The following ADCK1 variants were observed in gnomAD, a reference collection of about 807,000 sequenced individuals.
ADCK1 encodes aarF domain-containing protein kinase 1.
Under a neutral mutation model 52.3 loss-of-function variants are expected in ADCK1, and 41 were observed. The observed-to-expected ratio is 0.78, with a 90% CI of 0.61 to 1.02. ADCK1 has a LOEUF of 1.02. Among genes scored for constraint, ADCK1 ranks in the 50% least tolerant of loss-of-function variants. The pLI is 0.00. For missense variants in ADCK1, 658 were observed against 679.5 expected (o/e 0.97, Z 0.35); for synonymous variants, 250 against 274.6 (o/e 0.91, Z 0.89).
chr14:77,896,396 T>C (rs961264165), intron 5 of ADCK1, among the ~76,000 whole-genome samples: 4 of 152,248 alleles, frequency 2.6e-5, no homozygotes, highest in East Asian at 1.9e-4. Context: ...TAAATATTGA[T>C]TGGACAAATG....
At chr14:77,909,934 A>G (rs2083755389) in intron 7 of ADCK1, among the ~76,000 whole-genome samples, 1 of 152,182 alleles carries the variant, frequency 6.6e-6, no homozygotes, top group Admixed American at 6.5e-5. Flanking sequence ...ACAGCTTAGC[A>G]GAGGTGGGAT....
chr14:77,929,846 T>C (rs1374481177), intron 9 of ADCK1, among the ~76,000 whole-genome samples: 1 of 152,152 alleles, frequency 6.6e-6, no homozygotes, highest in Non-Finnish European at 1.5e-5. Context: ...TTTGTATTTT[T>C]AGTAGAGATG....
intron 4 of ADCK1, among the ~76,000 whole-genome samples, chr14:77,881,896 G>T (rs1260490888): frequency 6.6e-6 from 1 of 152,210 alleles, no homozygotes; most frequent in East Asian, 1.9e-4. Flanking sequence ...TTCTGAAGAG[G>T]TGGGTTACAA....
At chr14:77,817,668 G>C (rs1447535798) in intron 1 of ADCK1, among the ~76,000 whole-genome samples, 1 of 152,138 alleles carries the variant, frequency 6.6e-6, no homozygotes, top group Non-Finnish European at 1.5e-5. Context: ...ACAGGACTGT[G>C]AGTGGGCAGA....
At chr14:77,824,141 C>T (rs529936775) in intron 3 of ADCK1, among the ~76,000 whole-genome samples, 13 of 151,272 alleles carry the variant, frequency 8.6e-5, no homozygotes, top group South Asian at 8.4e-4. Flanking sequence ...TCAAGTGATC[C>T]GCCGCCTCAG....
At chr14:77,825,237 C>T (rs1487514462) in intron 3 of ADCK1, among the ~76,000 whole-genome samples, 3 of 152,142 alleles carry the variant, frequency 2.0e-5, no homozygotes, top group Admixed American at 6.6e-5. Context: ...AGCGATGATG[C>T]GTAGGCCTGT....
intron 10 of ADCK1, among the ~76,000 whole-genome samples, chr14:77,932,377 T>C (rs2084362431): frequency 6.6e-6 from 1 of 152,126 alleles, no homozygotes; most frequent in African/African-American, 2.4e-5. Context: ...CTCAGCACCT[T>C]TGGGCATTAA....
At chr14:77,848,798 CTG>C (rs2082223350) in intron 3 of ADCK1, among the ~76,000 whole-genome samples, 1 of 150,924 alleles carries the variant, frequency 6.6e-6, no homozygotes, top group Admixed American at 6.6e-5. Context: ...GTGTCTTACT[CTG>C]TTGCCCAGGC....
rs139353105 is a variant in ADCK1, at chr14:77,859,097, C to T, written c.241C>T (p.Arg81Cys). The change falls in exon 4 of 11, where the codon CGT becomes TGT. Residue 81 changes from arginine (R) to cysteine (C), a missense_variant. Arg to Cys is a radical substitution (Grantham distance 180). Transcript: ENST00000238561. ...GCAGGTGCACCTTCGCTCTGCCAGG[C>T]GTCTCTGTGAGCTCTGCTGTGCCAA... is the stretch of plus-strand genomic sequence containing the variant. The part of the protein sequence containing the change: ...RSKVHLRSAR[R>C]LCELCCANRG... The T allele has an allele frequency of 5.5e-5, 89 of 1,607,558 alleles. No homozygotes were observed. The highest frequency in any genetic ancestry group is 3.2e-4 in the South Asian group (29 of 90,404).
rs1274322276 is a variant in ADCK1, at chr14:77,833,500, C to G, written c.219+10982C>G. On this transcript the variant is annotated intron_variant, in intron 3 of 10. Coordinates refer to ENST00000238561, the MANE Select transcript of ADCK1 (RefSeq NM_020421.4). Reference sequence around the variant, plus strand: ...GAGCATGAGCTGCATTTAATTCTCTCTGGTTGGGTCATCTAAGGACCAGTT... The same window carrying G: ...GAGCATGAGCTGCATTTAATTCTCTGTGGTTGGGTCATCTAAGGACCAGTT... Among the ~76,000 whole-genome samples, 7 of 152,268 alleles carry G rather than the reference C, an allele frequency of 4.6e-5. No homozygotes were observed. In the South Asian group the frequency reaches 1.0e-3, roughly 23 times the overall value.
chr14:77,921,344 A>AAAAAAAAAAAAAAAAAAAAG (rs2084053244), intron 7 of ADCK1, among the ~76,000 whole-genome samples: 1 of 149,258 alleles, frequency 6.7e-6, no homozygotes, highest in Non-Finnish European at 1.5e-5. Flanking sequence ...AAAAAAAAAA[A>AAAAAAAAAAAAAAAAAAAAG]AAAAGAAAAA....
At chr14:77,861,143 C>T (rs985944969) in intron 4 of ADCK1, among the ~76,000 whole-genome samples, 1 of 152,176 alleles carries the variant, frequency 6.6e-6, no homozygotes, top group African/African-American at 2.4e-5. Context: ...CCATGTGGCT[C>T]CTGCCCCCAC....
intron 3 of ADCK1, among the ~76,000 whole-genome samples, chr14:77,855,132 C>T (rs879845219): frequency 7.2e-5 from 11 of 152,248 alleles, no homozygotes; most frequent in African/African-American, 2.2e-4. Flanking sequence ...TCTTTCCCCA[C>T]GTGGCCTGGC....
At chr14:77,841,885 C>A (rs1244541440) in intron 3 of ADCK1, among the ~76,000 whole-genome samples, 1 of 148,866 alleles carries the variant, frequency 6.7e-6, no homozygotes. Context: ...CCAGGCCAGG[C>A]ATGGTGGCTC....
At chr14:77,848,360 C>G (rs951936877) in intron 3 of ADCK1, among the ~76,000 whole-genome samples, 9 of 152,128 alleles carry the variant, frequency 5.9e-5, no homozygotes, top group Non-Finnish European at 1.0e-4. Context: ...TTTTTGGAGC[C>G]CAAGTTCTTG....
At chr14:77,823,067 T>C (rs1566638033) in intron 3 of ADCK1, among the ~76,000 whole-genome samples, 1 of 152,190 alleles carries the variant, frequency 6.6e-6, no homozygotes, top group Non-Finnish European at 1.5e-5. Flanking sequence ...GGGCCTCTCG[T>C]AGGCCTCTGA....
At chr14:77,899,946 T>A (rs1038340802) in intron 6 of ADCK1, among the ~76,000 whole-genome samples, 9 of 151,938 alleles carry the variant, frequency 5.9e-5, no homozygotes, top group African/African-American at 1.7e-4. Flanking sequence ...GGCATGTGCC[T>A]GTAATCTCAG....
chr14:77,852,675 A>ATTTATATATATATATAT (rs1400469309), intron 3 of ADCK1, among the ~76,000 whole-genome samples: 1 of 42,122 alleles, frequency 2.4e-5, no homozygotes, highest in African/African-American at 8.3e-5. Flanking sequence ...ATATATATAT[A>ATTTATATATATATATAT]TATATATATA....
intron 1 of ADCK1, among the ~76,000 whole-genome samples, chr14:77,803,462 A>C (rs965521378): frequency 1.3e-5 from 2 of 152,266 alleles, no homozygotes; most frequent in Non-Finnish European, 1.5e-5. Flanking sequence ...TTGGTTTCCC[A>C]TTTAGTTCTG....
Sources: allele counts gnomAD v4.1 joint callset (sites outside exome capture counted in the v4.1 genomes callset), GRCh38; gene constraint gnomAD v4.1.1; transcripts MANE v1.5; gene names NCBI Gene and HGNC (gene_info 2026-07-23, HGNC 2026-07-21).